Variants in VEGFC observed in about 807,000 individuals in gnomAD.
The protein encoded by VEGFC is vascular endothelial growth factor C, also known as FLT4 ligand DHM.
In VEGFC, 12 loss-of-function variants were observed where a neutral mutation model predicts 46.1. The observed-to-expected ratio is 0.26, with a 90% CI of 0.17 to 0.42. The LOEUF is 0.42. Ranked by LOEUF, VEGFC falls within the 10% of genes least tolerant of loss-of-function variation. VEGFC has a pLI of 1.00. For missense variants in VEGFC, 488 were observed against 529.4 expected (o/e 0.92, Z 0.77); for synonymous variants, 232 against 195.5 (o/e 1.19, Z -1.56).
intron 1 of VEGFC, among the ~76,000 whole-genome samples, chr4:176,768,150 T>G (rs1472106840): frequency 6.6e-6 from 1 of 152,122 alleles, no homozygotes; most frequent in African/African-American, 2.4e-5. Context: ...CTGGGAATGT[T>G]TAAATTTGAA....
At chr4:176,729,780 C>T (rs963836879) in intron 1 of VEGFC, 34 bp from the exon 2 acceptor site, 2 of 1,516,064 alleles carry the variant, frequency 1.3e-6, no homozygotes, top group African/African-American at 2.8e-5. Context: ...AATGACTTAC[C>T]AGCTTAAGGG....
intron 4 of VEGFC, among the ~76,000 whole-genome samples, chr4:176,691,283 A>T (rs1734174402): frequency 6.6e-6 from 1 of 152,234 alleles, no homozygotes; most frequent in Non-Finnish European, 1.5e-5. Flanking sequence ...TCTGAATATT[A>T]AAGTATGCAT....
At chr4:176,706,653 A>G (rs960570879) in intron 4 of VEGFC, among the ~76,000 whole-genome samples, 15 of 130,804 alleles carry the variant, frequency 1.1e-4, no homozygotes, top group East Asian at 9.8e-4. Flanking sequence ...AAAAAAAAAA[A>G]AGAGAAATCT....
rs572674483 is a variant in VEGFC, at chr4:176,761,018, G to T, written c.147+31147C>A. Among the ~76,000 whole-genome samples, 22 of 152,300 alleles carry T rather than the reference G, an allele frequency of 1.4e-4. No individual in the cohort carries two copies. In the South Asian group the frequency reaches 4.3e-3, roughly 30 times the overall value. ...AGTTCAAAGATCCCATGAATTTGAAGTGATTTCCTCCACTTCAGAAGTGGA... is the reference window on the plus strand; with the variant it reads ...AGTTCAAAGATCCCATGAATTTGAATTGATTTCCTCCACTTCAGAAGTGGA... On this transcript the variant is annotated intron_variant, in intron 1 of 6. Coordinates refer to ENST00000618562, the MANE Select transcript of VEGFC (RefSeq NM_005429.5).
At chr4:176,691,403 G>C (rs911835825) in intron 4 of VEGFC, among the ~76,000 whole-genome samples, 2 of 152,118 alleles carry the variant, frequency 1.3e-5, no homozygotes, top group African/African-American at 2.4e-5. Flanking sequence ...ACAATTATTT[G>C]CAAGGTATGT....
chr4:176,737,132 G>A (rs575799890), intron 1 of VEGFC, among the ~76,000 whole-genome samples: 13 of 150,054 alleles, frequency 8.7e-5, no homozygotes, highest in South Asian at 2.1e-4. Flanking sequence ...ACATCCTAAC[G>A]TCAAATGTAA....
At chr4:176,724,683 G>C (rs189375838) in intron 3 of VEGFC, among the ~76,000 whole-genome samples, 2 of 152,158 alleles carry the variant, frequency 1.3e-5, no homozygotes, top group African/African-American at 4.8e-5. Flanking sequence ...AAGGGCCCAG[G>C]AGCAGAGGAA....
At chr4:176,786,539 A>G (rs1227406152) in intron 1 of VEGFC, among the ~76,000 whole-genome samples, 1 of 152,214 alleles carries the variant, frequency 6.6e-6, no homozygotes, top group Non-Finnish European at 1.5e-5. Flanking sequence ...ACTGGTGGTA[A>G]CTCACAAGAC....
Position 176,780,170 on chromosome 4 carries a change from A to G in VEGFC, c.147+11995T>C, listed in dbSNP as rs189937230. Among the ~76,000 whole-genome samples the G allele has an allele frequency of 6.0e-3, 908 of 152,232 alleles. 9 individuals are homozygous for G. Among genetic ancestry groups the G allele is most frequent in the Middle Eastern group, 0.014 (4 of 294 alleles). The stretch of plus-strand genomic sequence containing the variant: ...AGAGGCGGGCAGGTCACCTGAGGTC[A>G]GGTGTTCAAGACCAGCCTGGCCAAC... On this transcript the variant is annotated intron_variant, in intron 1 of 6. Transcript: ENST00000618562.
chr4:176,784,353 A>G (rs970843590), intron 1 of VEGFC, among the ~76,000 whole-genome samples: 13 of 152,008 alleles, frequency 8.6e-5, no homozygotes, highest in Non-Finnish European at 1.9e-4. Flanking sequence ...TACAGACGTG[A>G]GCCACCACAC....
intron 1 of VEGFC, among the ~76,000 whole-genome samples, chr4:176,764,413 C>T (rs1343077430): frequency 6.6e-6 from 1 of 152,136 alleles, no homozygotes; most frequent in Non-Finnish European, 1.5e-5. Context: ...GTACACAAAA[C>T]AAGAGAGAAA....
intron 3 of VEGFC, among the ~76,000 whole-genome samples, chr4:176,712,142 T>C (rs73872160): frequency 0.078 from 11,946 of 152,204 alleles, 490 homozygotes; most frequent in Non-Finnish European, 0.091. Context: ...TACATAGATG[T>C]AAAGTTAATT....
intron 3 of VEGFC, among the ~76,000 whole-genome samples, chr4:176,719,872 C>T (rs1734754779): frequency 1.3e-5 from 2 of 151,990 alleles, no homozygotes; most frequent in Admixed American, 6.6e-5. Context: ...ACCAGCCTGG[C>T]CAACGTGGTG....
chr4:176,688,456 T>G (rs915099899), intron 4 of VEGFC, among the ~76,000 whole-genome samples: 3 of 152,220 alleles, frequency 2.0e-5, no homozygotes, highest in Non-Finnish European at 2.9e-5. Flanking sequence ...GTATCTTTAC[T>G]GACTTATTTC....
At chr4:176,690,944 TA>T (rs1177788322) in intron 4 of VEGFC, among the ~76,000 whole-genome samples, 1 of 152,278 alleles carries the variant, frequency 6.6e-6, no homozygotes, top group South Asian at 2.1e-4. Context: ...TGCAACCCAT[TA>T]ATGAATCATG....
intron 3 of VEGFC, among the ~76,000 whole-genome samples, chr4:176,716,729 T>C (rs535808838): frequency 1.6e-4 from 24 of 152,250 alleles, no homozygotes; most frequent in Middle Eastern, 3.4e-3. Flanking sequence ...TGGAGTTTAA[T>C]TCCCTTATGC....
At chr4:176,784,779 A>AAAAAAAAAAAAAG (rs1553998122) in intron 1 of VEGFC, among the ~76,000 whole-genome samples, 1 of 100,218 alleles carries the variant, frequency 1.0e-5, no homozygotes, top group Non-Finnish European at 2.1e-5. Flanking sequence ...AAAAAAAAAA[A>AAAAAAAAAAAAAG]GATAAAGTAA....
intron 1 of VEGFC, among the ~76,000 whole-genome samples, chr4:176,778,930 A>T (rs1735862024): frequency 6.6e-6 from 1 of 152,214 alleles, no homozygotes; most frequent in African/African-American, 2.4e-5. Flanking sequence ...ACAAAATTTT[A>T]CATGTTGCCA....
chr4:176,787,376 G>A (rs1736020507), intron 1 of VEGFC, among the ~76,000 whole-genome samples: 1 of 146,404 alleles, frequency 6.8e-6, no homozygotes, highest in South Asian at 2.2e-4. Context: ...AGAATCGCTT[G>A]AACCCACGAG....
Sources: allele counts gnomAD v4.1 joint callset (sites outside exome capture counted in the v4.1 genomes callset), GRCh38; gene constraint gnomAD v4.1.1; transcripts MANE v1.5; gene names NCBI Gene and HGNC (gene_info 2026-07-23, HGNC 2026-07-21).